The following PCDHA13 variants were observed in gnomAD, a reference collection of about 807,000 sequenced individuals.
PCDHA13 encodes protocadherin alpha 13.
In PCDHA13, 54 loss-of-function variants were observed where a neutral mutation model predicts 64.8. The observed-to-expected ratio is 0.83, with a 90% CI of 0.67 to 1.04. PCDHA13 has a LOEUF of 1.04. Among genes scored for constraint, PCDHA13 ranks in the 50% least tolerant of loss-of-function variants. PCDHA13 has a pLI of 0.00. For missense variants in PCDHA13, 1,248 were observed against 1,254.3 expected, an observed-to-expected ratio of 0.99 and a Z score of 0.08; for synonymous variants, 587 against 564.4, an observed-to-expected ratio of 1.04 and a Z score of -0.57.
chr5:140,966,894 A>C, intron 1 of PCDHA13: 1 of 1,596,438 alleles, frequency 6.3e-7, no homozygotes, highest in African/African-American at 1.3e-5. Flanking sequence ...GCGGCCTCCC[A>C]GCTGCGATAC....
chr5:140,966,410 A>G lies in PCDHA13; in HGVS notation c.2395-12539A>G, dbSNP rs530944149. The G allele has an allele frequency of 1.9e-3, 807 of 419,248 alleles. 2 individuals carry two copies. Among genetic ancestry groups the G allele is most frequent in the South Asian group, 7.3e-3 (70 of 9,536 alleles). The allele number at this position is 419,248 out of a possible 1,614,324, so 26.0% of individuals were successfully genotyped here. The stretch of plus-strand genomic sequence containing the variant: ...GTCCGCCACTTCGGCGCGGAATCAG[A>G]GCAGGACTTGCTGAGCCCTCCTACC... On this transcript the variant is annotated intron_variant, in intron 1 of 3. Coordinates refer to ENST00000289272, the MANE Select transcript of PCDHA13 (RefSeq NM_018904.3).
At chr5:140,963,091 T>C (rs1250580965) in intron 1 of PCDHA13, among the ~76,000 whole-genome samples, 1 of 152,162 alleles carries the variant, frequency 6.6e-6, no homozygotes, top group African/African-American at 2.4e-5. Flanking sequence ...AAGACATGGC[T>C]CCTGCTTTCA....
At chr5:140,990,893 T>C (rs1554251806) in intron 3 of PCDHA13, among the ~76,000 whole-genome samples, 1 of 152,178 alleles carries the variant, frequency 6.6e-6, no homozygotes, top group East Asian at 1.9e-4. Context: ...GAGTGGGTCG[T>C]TGCTGGGTCA....
intron 1 of PCDHA13, chr5:140,928,846 C>A: frequency 1.2e-6 from 2 of 1,614,192 alleles, no homozygotes; most frequent in Non-Finnish European, 1.7e-6. Context: ...CTCTGTCACT[C>A]TGGGTGTGCT....
chr5:140,968,866 A>G, intron 1 of PCDHA13: 1 of 1,614,230 alleles, frequency 6.2e-7, no homozygotes, highest in Non-Finnish European at 8.5e-7. Flanking sequence ...GCCCTCGGAC[A>G]TACTCTGAAA....
chr5:140,993,462 T>TCACACACACACA (rs3836747), intron 3 of PCDHA13, among the ~76,000 whole-genome samples: 55 of 141,044 alleles, frequency 3.9e-4, no homozygotes, highest in Non-Finnish European at 5.3e-4. Context: ...TCTTTCTTTC[T>TCACACACACACA]CACACACACA....
intron 3 of PCDHA13, among the ~76,000 whole-genome samples, chr5:140,983,854 T>A (rs1554245766): frequency 6.6e-6 from 1 of 152,206 alleles, no homozygotes; most frequent in Non-Finnish European, 1.5e-5. Flanking sequence ...TTAAGTAACA[T>A]GCAGCTAAGG....
At chr5:140,930,675 A>G (rs1326713897) in intron 1 of PCDHA13, among the ~76,000 whole-genome samples, 2 of 152,234 alleles carry the variant, frequency 1.3e-5, no homozygotes, top group Non-Finnish European at 2.9e-5. Flanking sequence ...TATTCTAGGC[A>G]ATAAGGGGAA....
intron 3 of PCDHA13, among the ~76,000 whole-genome samples, chr5:141,007,395 C>CAAAAAAAAA (rs35800918): frequency 8.4e-5 from 8 of 94,856 alleles, no homozygotes; most frequent in East Asian, 2.9e-4. Context: ...TACTAAAATA[C>CAAAAAAAAA]AAAAAAAAAA....
Position 140,982,524 on chromosome 5 carries a change from C to T in PCDHA13, c.2503C>T (p.Pro835Ser). ...CATTCTACGGGCTGGTCCAGGAGGG[C>T]CTGATCAGCAGTGGCCAACAGTATC... ...AGILRAGPGG[P>S]DQQWPTVSSA... Residue 835 changes from proline to serine, a missense_variant, in exon 3 of 4, where the codon CCT (proline) becomes TCT (serine). Transcript: ENST00000289272. The T allele has an allele frequency of 6.2e-7, 1 of 1,614,170 alleles. No homozygotes were observed. Among genetic ancestry groups the T allele is most frequent in the Non-Finnish European group, 8.5e-7 (1 of 1,180,030 alleles).
intron 1 of PCDHA13, among the ~76,000 whole-genome samples, chr5:140,891,121 T>C (rs74535477): frequency 0.041 from 6,261 of 152,308 alleles, 144 homozygotes; most frequent in Middle Eastern, 0.061. Context: ...TCAATCTAAA[T>C]GTCATTCCTT....
intron 1 of PCDHA13, among the ~76,000 whole-genome samples, chr5:140,973,646 A>C (rs1413605589): frequency 1.3e-5 from 2 of 152,216 alleles, no homozygotes; most frequent in African/African-American, 4.8e-5. Flanking sequence ...TTCTGACTGA[A>C]GAAGAAATCT....
chr5:140,984,091 T>G (rs1357477287), intron 3 of PCDHA13, among the ~76,000 whole-genome samples: 1 of 152,204 alleles, frequency 6.6e-6, no homozygotes. Context: ...GAAGAAATGA[T>G]GGAGGAGGAA....
rs2066634766 is a variant in PCDHA13, at chr5:140,898,278, G to A, written c.2394+13616G>A. The stretch of plus-strand genomic sequence containing the variant: ...AAGTCCTTGCCCATGCCTAAGTTCT[G>A]AATGGTAATGCCTAGGTTTTCTTCT... On this transcript the variant is annotated intron_variant, in intron 1 of 3. Transcript: ENST00000289272. Among the ~76,000 whole-genome samples, 8 of 152,194 alleles carry A rather than the reference G, an allele frequency of 5.3e-5. No individual in the cohort carries two copies. The South Asian group carries it at 1.7e-3, about 31-fold the overall frequency.
At chr5:140,967,910 A>G (rs2096197842) in intron 1 of PCDHA13, 1 of 1,613,996 alleles carries the variant, frequency 6.2e-7, no homozygotes, top group Non-Finnish European at 8.5e-7. Flanking sequence ...TACACCCAAC[A>G]CCATTGTGGC....
chr5:140,999,854 C>T (rs1459226420), intron 3 of PCDHA13, among the ~76,000 whole-genome samples: 4 of 152,112 alleles, frequency 2.6e-5, no homozygotes, highest in Admixed American at 1.3e-4. Context: ...TTATCTCTTC[C>T]GCTCCAAGAT....
intron 1 of PCDHA13, among the ~76,000 whole-genome samples, chr5:140,965,923 G>T (rs1418904178): frequency 1.3e-5 from 2 of 152,232 alleles, no homozygotes; most frequent in African/African-American, 4.8e-5. Context: ...TTTTAGGCTT[G>T]CTCCCGGAAA....
At chr5:140,916,463 G>A (rs934007072) in intron 1 of PCDHA13, among the ~76,000 whole-genome samples, 2 of 152,212 alleles carry the variant, frequency 1.3e-5, no homozygotes, top group African/African-American at 2.4e-5. Flanking sequence ...TATCACTGCT[G>A]GTTATTTGGT....
chr5:140,929,364 A>C (rs782443919), intron 1 of PCDHA13: 3 of 1,521,318 alleles, frequency 2.0e-6, no homozygotes, highest in Admixed American at 2.2e-5. Flanking sequence ...TTTGGCCCGG[A>C]GATGGCTGCT....
Sources: gnomAD v4.1 joint callset for allele counts (sites outside exome capture counted in the v4.1 genomes callset) on GRCh38, gnomAD v4.1.1 for gene constraint, MANE v1.5 for transcripts, NCBI Gene and HGNC (gene_info 2026-07-23, HGNC 2026-07-21) for gene names.